The following STXBP2 variants were observed in gnomAD, a reference collection of about 807,000 sequenced individuals.
STXBP2 encodes the protein syntaxin-binding protein 2.
STXBP2 carries 47 observed loss-of-function variants against 72.2 expected under a neutral mutation model. That is an observed-to-expected ratio of 0.65 (90% CI 0.51 to 0.83). The LOEUF is 0.83. Among genes scored for constraint, STXBP2 ranks in the 40% least tolerant of loss-of-function variants. The pLI, the probability that STXBP2 is intolerant of heterozygous loss-of-function variation, is 0.00. For synonymous variants in STXBP2, 367 were observed against 338.7 expected (o/e 1.08, Z -0.92); for missense variants, 702 against 807.6 (o/e 0.87, Z 1.58).
rs1555769690 is a variant in STXBP2, at chr19:7,640,350, C to CTA, written c.247-380_247-379insAT. 6 of 556,454 alleles carry CTA rather than the reference C, an allele frequency of 1.1e-5. No individual in the cohort carries two copies. The Admixed American group carries it at 1.4e-4, about 13-fold the overall frequency. 34.5% of individuals were successfully genotyped at this position (556,454 alleles called of 1,614,324 possible). A position where few individuals can be genotyped will look rare whatever the true frequency, so the allele number is the denominator to read the frequency against. On this transcript the variant is annotated intron_variant, in intron 4 of 18. Coordinates refer to ENST00000221283, the MANE Select transcript of STXBP2 (RefSeq NM_006949.4). Reference sequence around the variant, plus strand: ...CGTGTGTATGCGTGTGTGTATGCGTCTGTGCATGTGTGTATGCGTGTGTGT... The same window carrying CTA: ...CGTGTGTATGCGTGTGTGTATGCGTCTATGTGCATGTGTGTATGCGTGTGTGT...
intron 15 of STXBP2, 58 bp downstream of exon 15, chr19:7,645,364 C>T: frequency 2.0e-6 from 3 of 1,496,532 alleles, no homozygotes; most frequent in Non-Finnish European, 1.8e-6. Context: ...ACAGCCGGGG[C>T]TCTGCAAGGC....
intron 15 of STXBP2, among the ~76,000 whole-genome samples, chr19:7,645,720 C>A (rs1294233786): frequency 1.3e-5 from 2 of 151,964 alleles, no homozygotes; most frequent in Admixed American, 6.6e-5. Context: ...CTTGGGTCAG[C>A]CTCTCCTGTC....
At chr19:7,633,638 C>T, upstream of STXBP2, 1 of 626,966 alleles carries the variant, frequency 1.6e-6, no homozygotes, top group Non-Finnish European at 2.7e-6. Flanking sequence ...ATTGTTTGCC[C>T]ACAACGATGC....
At chr19:7,638,930 C>T (rs998024342) in intron 2 of STXBP2, 89 bp from the exon 3 acceptor site, 2 of 1,577,612 alleles carry the variant, frequency 1.3e-6, no homozygotes, top group Non-Finnish European at 1.7e-6. Flanking sequence ...GCCCTTGAAA[C>T]TGCCCCTCCC....
At chr19:7,645,761 G>A (rs1420211192) in intron 15 of STXBP2, among the ~76,000 whole-genome samples, 1 of 150,920 alleles carries the variant, frequency 6.6e-6, no homozygotes. Flanking sequence ...CCCCTCCAGG[G>A]TGCCCTCACC....
chr19:7,639,664 C>T, intron 3 of STXBP2, 67 bp from the exon 4 acceptor site: 1 of 1,501,066 alleles, frequency 6.7e-7, no homozygotes, highest in Middle Eastern at 2.3e-4. Context: ...ACCCCCCACA[C>T]CTGAGACTCC....
upstream of STXBP2, among the ~76,000 whole-genome samples, chr19:7,635,453 G>A (rs144035711): frequency 4.0e-3 from 609 of 152,322 alleles, 3 homozygotes; most frequent in Non-Finnish European, 5.2e-3. Context: ...CTAACACTTT[G>A]GGAGGCCAAG....
In STXBP2 at chr19:7,642,010, C is replaced by T; in HGVS notation, c.579-24C>T. ...CTTGACCCCATCCCCTGATGATGTCCCCCGTGTCTGACCTCCCCGCCAGGG... is the reference window on the plus strand; with the variant it reads ...CTTGACCCCATCCCCTGATGATGTCTCCCGTGTCTGACCTCCCCGCCAGGG... On this transcript the variant is annotated intron_variant, in intron 7 of 18. Transcript: ENST00000221283. This position sits in a 1 kb window ranked among gnomAD's most constrained non-coding sequence, Gnocchi z 6.0. 6.2e-7 allele frequency: 1 copy of T among 1,613,654 alleles called. No individual in the cohort carries two copies. The highest frequency in any genetic ancestry group is 1.1e-5 in the South Asian group (1 of 91,076).
chr19:7,631,399 C>CGGGGGGGGGGTTGGGGGGGGG, the STXBP2 span: 2 of 583,168 alleles, frequency 3.4e-6, no homozygotes, highest in Non-Finnish European at 4.9e-6. Flanking sequence ...GAGAGGTGGG[C>CGGGGGGGGGGTTGGGGGGGGG]GGGGGGGGGT....
intron 7 of STXBP2, 76 bp from the exon 8 acceptor site, chr19:7,641,958 C>T (rs1305844202): frequency 6.3e-6 from 10 of 1,594,064 alleles, no homozygotes; most frequent in African/African-American, 4.1e-5. Context: ...CCTACCCTGG[C>T]CCCTGACTCT....
chr19:7,631,372 C>A, the STXBP2 span: 1 of 804,978 alleles, frequency 1.2e-6, no homozygotes, highest in South Asian at 2.0e-5. Flanking sequence ...AAGCCGTGGT[C>A]TGGGGCAGGG....
rs577234477 is a variant in STXBP2, at chr19:7,637,801, A to G, written c.37+615A>G. ...TGCTCCTTCCGCCCTGGCCGTCTTG[A>G]TAACAGTGGACATGACACAGTGGAC... On this transcript the variant is annotated intron_variant, in intron 1 of 18. Coordinates refer to ENST00000221283, the MANE Select transcript of STXBP2 (RefSeq NM_006949.4). 2.2e-4 allele frequency among the ~76,000 whole-genome samples: 34 copies of G among 152,300 alleles called. 1 individual carries two copies. In the South Asian group the frequency reaches 6.6e-3, roughly 30 times the overall value.
At chr19:7,640,343 TA>T (rs2031789613) in intron 4 of STXBP2, 1 of 531,194 alleles carries the variant, frequency 1.9e-6, no homozygotes, top group South Asian at 1.6e-5. Flanking sequence ...TGCGTGTGTG[TA>T]TGCGTCTGTG....
upstream of STXBP2, chr19:7,631,902 T>G (rs2031327069): frequency 2.5e-6 from 3 of 1,220,812 alleles, no homozygotes; most frequent in Non-Finnish European, 3.2e-6. Context: ...GTAGCCACCG[T>G]GTCCCACCTC....
chr19:7,640,134 G>A (rs1568464734), intron 4 of STXBP2: 2 of 262,628 alleles, frequency 7.6e-6, no homozygotes, highest in Non-Finnish European at 1.6e-5. Flanking sequence ...GTGTATGTAT[G>A]TGTGTGTGCA....
the STXBP2 span, chr19:7,630,442 G>C: frequency 5.6e-6 from 4 of 710,560 alleles, no homozygotes. Flanking sequence ...CTTGGTGGGA[G>C]TTCTGGGATT....
At chr19:7,640,009 T>G in intron 4 of STXBP2, 1 of 685,846 alleles carries the variant, frequency 1.5e-6, no homozygotes. Flanking sequence ...TCTATGTATG[T>G]GTCTGTGTGC....
Position 7,641,031 on chromosome 19 carries a change from G to C in STXBP2, c.429+28G>C, listed in dbSNP as rs768708876. 7 of 1,611,838 alleles carry C rather than the reference G, an allele frequency of 4.3e-6. No homozygotes were observed. The South Asian group carries it at 6.6e-5, about 15-fold the overall frequency. ...ACGGCCCGGGCTCATCCTGGGCAGG[G>C]GGTGGGGGTTTGTGACCAAATGTCC... On this transcript the variant is annotated intron_variant, in intron 6 of 18. Transcript: ENST00000221283.
chr19:7,641,230 C>T (rs988422614), intron 6 of STXBP2: 8 of 589,654 alleles, frequency 1.4e-5, no homozygotes, highest in Admixed American at 4.9e-5. Flanking sequence ...ATTAGCTTGG[C>T]GTGGTGGCGT....
Sources: allele counts gnomAD v4.1 joint callset (sites outside exome capture counted in the v4.1 genomes callset), GRCh38; gene constraint gnomAD v4.1.1; non-coding constraint Gnocchi (gnomAD v3.1); transcripts MANE v1.5; gene names NCBI Gene and HGNC (gene_info 2026-07-23, HGNC 2026-07-21).